ALG9: variants seen among roughly 807,000 people sequenced by gnomAD.
ALG9 encodes alpha-1,2-mannosyltransferase ALG9.
A neutral mutation model predicts 81.8 loss-of-function variants in ALG9; 55 were observed. That is an observed-to-expected ratio of 0.67 (90% confidence interval 0.54 to 0.84). The LOEUF (loss-of-function observed/expected upper bound fraction) is 0.84. Ranked by LOEUF, ALG9 falls within the 40% of genes least tolerant of loss-of-function variation. The pLI, the probability that ALG9 is intolerant of heterozygous loss-of-function variation, is 0.00. For missense variants in ALG9, 629 were observed against 745.0 expected (o/e 0.84, Z 1.81); for synonymous variants, 278 against 274.3 (o/e 1.01, Z -0.13).
intron 13 of ALG9, among the ~76,000 whole-genome samples, chr11:111,825,774 G>A (rs782258885): frequency 5.9e-5 from 9 of 152,198 alleles, no homozygotes; most frequent in Non-Finnish European, 1.0e-4. Context: ...ACAGCCGGGC[G>A]CGGTGGCTCA....
At chr11:111,838,183 G>T in intron 11 of ALG9, 66 bp downstream of exon 11, 2 of 1,585,782 alleles carry the variant, frequency 1.3e-6, no homozygotes, top group South Asian at 1.1e-5. Context: ...ATATAATCAT[G>T]AATCAAGTAA....
At chr11:111,853,889 C>A (rs1204374899) in intron 6 of ALG9, among the ~76,000 whole-genome samples, 153 bp from the exon 7 acceptor site, 1 of 152,162 alleles carries the variant, frequency 6.6e-6, no homozygotes, top group Non-Finnish European at 1.5e-5. Context: ...CGTCACAGGA[C>A]CTGTCAGAGT....
intron 13 of ALG9, among the ~76,000 whole-genome samples, chr11:111,834,119 C>G (rs1355742791): frequency 1.3e-5 from 2 of 152,178 alleles, no homozygotes; most frequent in Non-Finnish European, 2.9e-5. Flanking sequence ...GATATGATAT[C>G]AGAAATATTT....
At chr11:111,861,291 C>T (rs548565097) in intron 4 of ALG9, among the ~76,000 whole-genome samples, 2 of 152,290 alleles carry the variant, frequency 1.3e-5, no homozygotes, top group East Asian at 1.9e-4. Flanking sequence ...AATGTTTGTT[C>T]GGACATACCC....
intron 14 of ALG9, among the ~76,000 whole-genome samples, chr11:111,791,795 A>G (rs180686012): frequency 7.6e-4 from 116 of 152,366 alleles, no homozygotes; most frequent in Non-Finnish European, 1.4e-3. Context: ...TCTCAGCTTA[A>G]AAGTTACCTC....
At chr11:111,789,225 C>T (rs1946990602) in intron 14 of ALG9, among the ~76,000 whole-genome samples, 1 of 151,992 alleles carries the variant, frequency 6.6e-6, no homozygotes, top group Admixed American at 6.5e-5. Flanking sequence ...TTAGAGTCTT[C>T]CAAAGAACAA....
At chr11:111,853,627 G>C (rs1555140922) in intron 7 of ALG9, 22 bp downstream of exon 7, 13 of 1,609,548 alleles carry the variant, frequency 8.1e-6, no homozygotes, top group Non-Finnish European at 1.0e-5. Flanking sequence ...TTAGGACAAA[G>C]CAAGTAAAAA....
At chr11:111,827,429 T>C (rs576181539) in intron 13 of ALG9, among the ~76,000 whole-genome samples, 3 of 152,226 alleles carry the variant, frequency 2.0e-5, no homozygotes, top group Admixed American at 6.5e-5. Context: ...TGGGTCGAGA[T>C]GGGCAATAAG....
chr11:111,826,054 A>G (rs1417316980), intron 13 of ALG9, among the ~76,000 whole-genome samples: 2 of 101,324 alleles, frequency 2.0e-5, no homozygotes, highest in Non-Finnish European at 3.9e-5. Context: ...CAACAAGAGC[A>G]AAACTCCGTC....
At chr11:111,805,377 C>T (rs1555084215) in intron 14 of ALG9, 1 of 453,596 alleles carries the variant, frequency 2.2e-6, no homozygotes. Context: ...TTATAGCAGT[C>T]TGAACTAAGA....
intron 14 of ALG9, among the ~76,000 whole-genome samples, chr11:111,795,439 C>T (rs1022819744): frequency 2.0e-5 from 3 of 152,012 alleles, no homozygotes; most frequent in Non-Finnish European, 2.9e-5. Flanking sequence ...GCATGGAAGG[C>T]GTGTTGCTAA....
chr11:111,813,132 G>A (rs1250782779), intron 13 of ALG9, among the ~76,000 whole-genome samples: 2 of 151,882 alleles, frequency 1.3e-5, no homozygotes, highest in African/African-American at 4.8e-5. Context: ...CACTCCACAT[G>A]CAAAAATCAA....
At chr11:111,818,948 C>G (rs573416342) in intron 13 of ALG9, among the ~76,000 whole-genome samples, 1 of 152,260 alleles carries the variant, frequency 6.6e-6, no homozygotes, top group South Asian at 2.1e-4. Context: ...GCCCGTAGCA[C>G]TGGGCAGAAG....
intron 13 of ALG9, among the ~76,000 whole-genome samples, chr11:111,821,705 G>A (rs1429442391): frequency 6.6e-6 from 1 of 151,484 alleles, no homozygotes; most frequent in Non-Finnish European, 1.5e-5. Flanking sequence ...GCACGATCTC[G>A]GCTCACTGCA....
At chr11:111,824,828 A>C (rs782002349) in intron 13 of ALG9, among the ~76,000 whole-genome samples, 2 of 152,226 alleles carry the variant, frequency 1.3e-5, no homozygotes, top group Non-Finnish European at 2.9e-5. Flanking sequence ...TCAACCTATG[A>C]AATTTTATTA....
chr11:111,827,336 C>T (rs548729555), intron 13 of ALG9, among the ~76,000 whole-genome samples: 86 of 152,060 alleles, frequency 5.7e-4, no homozygotes, highest in Non-Finnish European at 9.0e-4. Flanking sequence ...ATTAGCCAGG[C>T]GGGGTGGCGC....
intron 4 of ALG9, among the ~76,000 whole-genome samples, chr11:111,862,343 C>T (rs1455500469): frequency 1.3e-5 from 2 of 150,404 alleles, no homozygotes; most frequent in African/African-American, 2.4e-5. Flanking sequence ...AAGTGATTCT[C>T]GTGCCTCTAC....
chr11:111,862,239 C>CT (rs782528613), intron 4 of ALG9, among the ~76,000 whole-genome samples: 3,647 of 131,342 alleles, frequency 0.028, 132 homozygotes, highest in African/African-American at 0.083. Flanking sequence ...TCTTTTTTTT[C>CT]TTTTTTTTTT....
intron 13 of ALG9, among the ~76,000 whole-genome samples, chr11:111,826,139 A>G (rs1204777236): frequency 2.0e-5 from 3 of 149,556 alleles, no homozygotes; most frequent in Non-Finnish European, 4.4e-5. Context: ...TAATCCCAAC[A>G]CTTTGGGAGG....
Sources: gnomAD v4.1 joint callset for allele counts (sites outside exome capture counted in the v4.1 genomes callset) on GRCh38, gnomAD v4.1.1 for gene constraint, MANE v1.5 for transcripts, NCBI Gene and HGNC (gene_info 2026-07-23, HGNC 2026-07-21) for gene names.